The following DMBX1 variants were observed in gnomAD, a reference collection of about 807,000 sequenced individuals.
DMBX1 encodes the protein diencephalon/mesencephalon homeobox 1.
Under a neutral mutation model 30.4 loss-of-function variants are expected in DMBX1, and 7 were observed. The ratio of observed to expected loss-of-function variants is 0.23; its 90% CI spans 0.13 to 0.43. DMBX1 has a LOEUF of 0.43. Among genes scored for constraint, DMBX1 ranks in the 20% least tolerant of loss-of-function variants. The pLI is 1.00. For synonymous variants in DMBX1, 222 were observed against 214.2 expected (o/e 1.04, Z -0.32); for missense variants, 460 against 508.5 (o/e 0.90, Z 0.92).
intron 2 of DMBX1, among the ~76,000 whole-genome samples, 189 bp from the exon 3 acceptor site, chr1:46,506,809 TG>T (rs936040276): frequency 1.3e-5 from 2 of 151,604 alleles, no homozygotes; most frequent in Non-Finnish European, 2.9e-5. Context: ...GATGAATGAG[TG>T]GGTGAATGAA....
chr1:46,500,712 T>C (rs938999726), intron 2 of DMBX1, among the ~76,000 whole-genome samples: 11 of 152,172 alleles, frequency 7.2e-5, no homozygotes, highest in African/African-American at 2.7e-4. Flanking sequence ...ATGGATCGTA[T>C]CATGCATACT....
At position 46,512,133 on chromosome 1, in the gene DMBX1, T is replaced by A; in HGVS notation, c.773T>A (p.Leu258His). 1.2e-6 allele frequency: 2 copies of A among 1,614,006 alleles called. No individual in the cohort carries two copies. Among genetic ancestry groups the A allele is most frequent in the Non-Finnish European group, 1.7e-6 (2 of 1,179,978 alleles). ...TCCTATTCCTCGTCCCCGCTGAGCC[T>A]CTTCCGTCTGCAGGAGCAATTCCGC... The part of the protein sequence containing the change: ...SHSYSSSPLS[L>H]FRLQEQFRQH... The change falls in exon 6 of 6, where the codon CTC (leucine) becomes CAC (histidine). Residue 258 changes from leucine to histidine, a missense_variant. Around this residue, in one of 3 missense-constraint regions of DMBX1, gnomAD observed 334 missense variants for 345.1 expected, o/e 0.97. Transcript: ENST00000360032. The surrounding 1 kb of genome is among the most constrained non-coding windows in gnomAD (Gnocchi z 4.8).
chr1:46,501,527 A>G (rs1475188295), intron 2 of DMBX1, among the ~76,000 whole-genome samples: 1 of 151,930 alleles, frequency 6.6e-6, no homozygotes, highest in Non-Finnish European at 1.5e-5. Context: ...AGTGATCCCA[A>G]AGTGCTGGGA....
In DMBX1 at chr1:46,512,672, C is replaced by T; in HGVS notation, c.*178C>T. On this transcript the variant is annotated 3_prime_UTR_variant, in exon 6 of 6. Transcript: ENST00000360032. This position sits in a 1 kb window ranked among gnomAD's most constrained non-coding sequence, Gnocchi z 4.8. ...GAGGTGAAGCCCACACCTACACACC[C>T]TCTGCATGGCCCTGCCTGGACCCCA... 1.4e-6 allele frequency: 1 copy of T among 701,220 alleles called. No individual in the cohort carries two copies. Among genetic ancestry groups the T allele is most frequent in the Non-Finnish European group, 2.3e-6 (1 of 433,126 alleles). 43.4% of individuals were successfully genotyped at this position (701,220 alleles called of 1,614,324 possible). A position where few individuals can be genotyped will look rare whatever the true frequency, so the allele number is the denominator to read the frequency against.
chr1:46,492,020 G>A (rs921758398), intron 2 of DMBX1, among the ~76,000 whole-genome samples: 7 of 152,204 alleles, frequency 4.6e-5, no homozygotes, highest in Admixed American at 6.5e-5. Context: ...CAGGAGGGGG[G>A]TAAACACCTT....
intron 2 of DMBX1, among the ~76,000 whole-genome samples, chr1:46,506,239 G>C (rs1369980984): frequency 6.6e-6 from 1 of 152,084 alleles, no homozygotes; most frequent in East Asian, 1.9e-4. Flanking sequence ...TGTATTTTTA[G>C]TAGAAACGAG....
intron 3 of DMBX1, among the ~76,000 whole-genome samples, chr1:46,508,244 A>G (rs1165677853): frequency 6.6e-6 from 1 of 152,218 alleles, no homozygotes. Flanking sequence ...AGAGGGCACA[A>G]CAGGAGGGTA....
chr1:46,503,053 C>T (rs755099767), intron 2 of DMBX1, among the ~76,000 whole-genome samples: 6 of 152,242 alleles, frequency 3.9e-5, no homozygotes, highest in Non-Finnish European at 8.8e-5. Context: ...CTAGCGGCCC[C>T]TCTCCCTCTA....
intron 2 of DMBX1, among the ~76,000 whole-genome samples, chr1:46,505,248 GGGTATATACCCAAA>G (rs1404262202): frequency 6.9e-6 from 1 of 145,464 alleles, no homozygotes; most frequent in Non-Finnish European, 1.5e-5. Context: ...TCCCATTACT[GGGTATATACCCAAA>G]GGACTATAAA....
intron 2 of DMBX1, among the ~76,000 whole-genome samples, chr1:46,497,479 A>G (rs1666045256): frequency 1.3e-5 from 2 of 151,874 alleles, no homozygotes; most frequent in Non-Finnish European, 2.9e-5. Flanking sequence ...CCTTGTTTCC[A>G]TTGTGAATGG....
intron 2 of DMBX1, among the ~76,000 whole-genome samples, chr1:46,499,050 T>TC (rs60442997): frequency 0.03 from 4,570 of 151,914 alleles, 80 homozygotes; most frequent in African/African-American, 0.046. Flanking sequence ...TCTTTTCTTT[T>TC]TTTTTTTTTG....
In DMBX1 at chr1:46,512,209, A is replaced by C; in HGVS notation, c.849A>C (p.Val283=). 1 of 1,614,020 alleles carries C rather than the reference A, an allele frequency of 6.2e-7. No individual in the cohort carries two copies. The highest frequency in any genetic ancestry group is 1.1e-5 in the South Asian group (1 of 91,084). The change falls in exon 6 of 6, where the codon GTA becomes GTC. Residue 283 remains valine (V), a synonymous_variant. Transcript: ENST00000360032. The surrounding 1 kb of genome is among the most constrained non-coding windows in gnomAD (Gnocchi z 4.8). The part of the protein sequence containing the change: ...NNLVHYSSFE[V]GGPAPAAAAA... Reference sequence around the variant, plus strand: ...TGGTGCACTACTCGTCCTTCGAAGTAGGGGGTCCGGCCCCTGCTGCTGCAG... The same window carrying C: ...TGGTGCACTACTCGTCCTTCGAAGTCGGGGGTCCGGCCCCTGCTGCTGCAG...
At position 46,512,268 on chromosome 1, in the gene DMBX1, A is replaced by G; in HGVS notation, c.908A>G (p.Asn303Ser). ...GCTGCTGTGCCCTACCTGGGCGTCA[A>G]CATGGCCCCGCTGGGCTCACTGCAC... ...AAAAVPYLGV[N>S]MAPLGSLHCQ... Residue 303 changes from asparagine (N) to serine (S), a missense_variant, in exon 6 of 6, where the codon AAC becomes AGC. Physicochemically the swap from Asn to Ser is conservative, Grantham distance 46. Coordinates refer to ENST00000360032, the MANE Select transcript of DMBX1 (RefSeq NM_172225.2). The surrounding 1 kb of genome is among the most constrained non-coding windows in gnomAD (Gnocchi z 4.8). 1 of 1,613,548 alleles carries G rather than the reference A, an allele frequency of 6.2e-7. No homozygotes were observed.
At chr1:46,499,778 T>G (rs1666089943) in intron 2 of DMBX1, among the ~76,000 whole-genome samples, 1 of 152,174 alleles carries the variant, frequency 6.6e-6, no homozygotes, top group African/African-American at 2.4e-5. Context: ...CTTAGTCTAG[T>G]CTAGTTGGGG....
intron 2 of DMBX1, among the ~76,000 whole-genome samples, chr1:46,506,484 A>G (rs1052325972): frequency 1.3e-5 from 2 of 152,262 alleles, no homozygotes; most frequent in Non-Finnish European, 2.9e-5. Context: ...ATGAAGGTAA[A>G]AATGAGTAAG....
chr1:46,509,845 C>G (rs1031580996), intron 3 of DMBX1, among the ~76,000 whole-genome samples: 8 of 152,256 alleles, frequency 5.3e-5, no homozygotes, highest in Middle Eastern at 3.4e-3. Flanking sequence ...TAGCCAGGCT[C>G]TCTGTTCAGG....
intron 2 of DMBX1, 63 bp from the exon 3 acceptor site, chr1:46,506,936 G>C (rs888631322): frequency 6.4e-7 from 1 of 1,571,022 alleles, no homozygotes; most frequent in Middle Eastern, 1.7e-4. Flanking sequence ...CTGGGGGTGG[G>C]TCTCCCTGAG....
rs267598624 is a variant in DMBX1, at chr1:46,510,503, C to T, written c.182C>T (p.Ser61Phe). The change falls in exon 4 of 6, where the codon TCC becomes TTC. Residue 61 changes from serine to phenylalanine, a missense_variant. Ser to Phe is a radical substitution (Grantham distance 155). This residue lies in a region of DMBX1 where 124 missense variants were observed against 144.0 expected (regional missense o/e 0.86). Coordinates refer to ENST00000360032, the MANE Select transcript of DMBX1 (RefSeq NM_172225.2). This position sits in a 1 kb window ranked among gnomAD's most constrained non-coding sequence, Gnocchi z 4.1. ...ADIILEARYGSQHRKQRRSRT... is the reference protein window; with the variant it reads ...ADIILEARYGFQHRKQRRSRT... Reference sequence around the variant, plus strand: ...ATCATCTTGGAGGCCCGTTATGGTTCCCAGCACCGCAAACAACGTCGCAGC... The same window carrying T: ...ATCATCTTGGAGGCCCGTTATGGTTTCCAGCACCGCAAACAACGTCGCAGC... The T allele has an allele frequency of 1.2e-6, 2 of 1,614,046 alleles. No individual in the cohort carries two copies. The highest frequency in any genetic ancestry group is 8.5e-7 in the Non-Finnish European group (1 of 1,180,022).
rs182212130 is a variant in DMBX1 at position 46,513,699 on chromosome 1, A to T, written c.*1205A>T. The T allele has an allele frequency of 2.7e-4, 41 of 152,474 alleles. No homozygotes were observed. The highest frequency in any genetic ancestry group is 9.4e-4 in the African/African-American group (39 of 41,604). The allele number at this position is 152,474 out of a possible 1,614,324, so 9.4% of individuals were successfully genotyped here. A position where few individuals can be genotyped will look rare whatever the true frequency, so the allele number is the denominator to read the frequency against. On this transcript the variant is annotated 3_prime_UTR_variant, in exon 6 of 6. Transcript: ENST00000360032. Reference sequence around the variant, plus strand: ...TCCCACAAGCTGAGCCTCCACGTTCAGCAGATACTGTCCAAGGCAGGGGTA... The same window carrying T: ...TCCCACAAGCTGAGCCTCCACGTTCTGCAGATACTGTCCAAGGCAGGGGTA...
Sources: allele counts gnomAD v4.1 joint callset (sites outside exome capture counted in the v4.1 genomes callset), GRCh38; gene constraint gnomAD v4.1.1; regional missense constraint gnomAD v4.1.1; non-coding constraint Gnocchi (gnomAD v3.1); transcripts MANE v1.5; gene names NCBI Gene and HGNC (gene_info 2026-07-23, HGNC 2026-07-21).